Variants in PI4KA observed in about 807,000 individuals in gnomAD.
The protein encoded by PI4KA is phosphatidylinositol 4-kinase alpha, also known as PI4-kinase alpha.
PI4KA carries 122 observed loss-of-function variants against 271.4 expected under a neutral mutation model. The ratio of observed to expected loss-of-function variants is 0.45; its 90% CI spans 0.39 to 0.52. The LOEUF is 0.52. Among genes scored for constraint, PI4KA ranks in the 20% least tolerant of loss-of-function variants. PI4KA has a pLI of 0.00. For missense variants in PI4KA, 1,969 were observed against 2,769.1 expected, an observed-to-expected ratio of 0.71 and a Z score of 6.48; for synonymous variants, 1,041 against 1,078.8, an observed-to-expected ratio of 0.96 and a Z score of 0.69.
At chr22:20,762,721 TC>T (rs1449633476) in intron 22 of PI4KA, among the ~76,000 whole-genome samples, 1 of 152,232 alleles carries the variant, frequency 6.6e-6, no homozygotes, top group Non-Finnish European at 1.5e-5. Context: ...GGCTGTTTTT[TC>T]TTTGAAAATA....
Position 20,807,354 on chromosome 22 carries a change from G to A in PI4KA, c.1168+8C>T, listed in dbSNP as rs373775201. 2.5e-6 allele frequency: 4 copies of A among 1,573,240 alleles called. No individual in the cohort carries two copies. The highest frequency in any genetic ancestry group is 2.2e-5 in the East Asian group (1 of 44,654). Reference sequence around the variant, plus strand: ...GTACTCACAAACACATGGGCAAACTGTCCTCACCCTTCATGTAGTACAGAG... The same window carrying A: ...GTACTCACAAACACATGGGCAAACTATCCTCACCCTTCATGTAGTACAGAG... On this transcript the variant is annotated splice_region_variant and intron_variant, in intron 10 of 54. Coordinates refer to ENST00000255882, the MANE Select transcript of PI4KA (RefSeq NM_058004.4).
intron 32 of PI4KA, among the ~76,000 whole-genome samples, chr22:20,739,037 C>CAAAA (rs1214493282): frequency 4.4e-5 from 2 of 45,614 alleles, no homozygotes; most frequent in Non-Finnish European, 4.1e-5. Context: ...GACTCAGTCA[C>CAAAA]AAAAAAAAAA....
At chr22:20,849,552 C>T (rs1229377448) in intron 1 of PI4KA, among the ~76,000 whole-genome samples, 3 of 152,068 alleles carry the variant, frequency 2.0e-5, no homozygotes, top group Admixed American at 6.6e-5. Flanking sequence ...CTTGAAAATA[C>T]GCCAAGTAAA....
Position 20,729,643 on chromosome 22 carries a change from G to C in PI4KA, c.4477C>G (p.Leu1493Val), listed in dbSNP as rs771445927. 1 of 1,571,242 alleles carries C rather than the reference G, an allele frequency of 6.4e-7. No homozygotes were observed. Among genetic ancestry groups the C allele is most frequent in the South Asian group, 1.2e-5 (1 of 86,224 alleles). The change falls in exon 38 of 55, where the codon CTG (leucine) becomes GTG (valine). Residue 1493 changes from leucine to valine, a missense_variant. Coordinates refer to ENST00000255882, the MANE Select transcript of PI4KA (RefSeq NM_058004.4). ...CCTGTGGGCCTTACCAGCAGGGACA[G>C]CAGCAGCGTCCTGCGCTTCATGTAG... Reference protein sequence around the residue: ...KYYMKRRTLLLSLLATEIERL... With the variant: ...KYYMKRRTLLVSLLATEIERL...
chr22:20,819,927 A>G, intron 5 of PI4KA, 27 bp from the exon 6 acceptor site: 1 of 1,598,364 alleles, frequency 6.3e-7, no homozygotes, highest in Non-Finnish European at 8.6e-7. Context: ...AAACGTTACA[A>G]TATAAGAAAG....
rs369839823 is a variant in PI4KA, at chr22:20,721,383, C to T, written c.5031G>A (p.Ala1677=). The T allele has an allele frequency of 1.1e-4, 175 of 1,613,826 alleles. No individual in the cohort carries two copies. The Middle Eastern group carries it at 2.0e-3, about 18-fold the overall frequency. The stretch of plus-strand genomic sequence containing the variant: ...GGTGTGCCAGAAGCTGGGATTTAGA[C>T]GCTGCCCACAGAATATACTCCCGCA... ...GYVREYILWA[A]SKSQLLAHQF... The change falls in exon 43 of 55, where the codon GCG becomes GCA. Residue 1677 remains alanine, a synonymous_variant. Coordinates refer to ENST00000255882, the MANE Select transcript of PI4KA (RefSeq NM_058004.4).
In PI4KA at chr22:20,765,706, GAAGA is replaced by G; in HGVS notation, c.2329-17_2329-14del. 6.4e-7 allele frequency: 1 copy of G among 1,566,452 alleles called. No homozygotes were observed. Among genetic ancestry groups the G allele is most frequent in the Middle Eastern group, 1.7e-4 (1 of 5,956 alleles). ...GTCGTCGGGTGAGCTGATGTGCCAA[GAAGA>G]GAGGGAGAAAGGAGGTTATTTGCTG... On this transcript the variant is annotated splice_polypyrimidine_tract_variant and intron_variant, in intron 19 of 54. Coordinates refer to ENST00000255882, the MANE Select transcript of PI4KA (RefSeq NM_058004.4).
chr22:20,846,115 T>A (rs1347162636), intron 1 of PI4KA, among the ~76,000 whole-genome samples: 3 of 151,108 alleles, frequency 2.0e-5, no homozygotes, highest in Admixed American at 6.6e-5. Context: ...TACAAAAAAA[T>A]TAGGCAGGCT....
intron 1 of PI4KA, among the ~76,000 whole-genome samples, chr22:20,852,227 T>A (rs1325318913): frequency 6.6e-6 from 1 of 152,192 alleles, no homozygotes; most frequent in African/African-American, 2.4e-5. Context: ...TGGGAAAGAT[T>A]AGAGGCAACC....
At chr22:20,772,400 C>T (rs1000495038) in intron 19 of PI4KA, among the ~76,000 whole-genome samples, 2 of 152,178 alleles carry the variant, frequency 1.3e-5, no homozygotes, top group African/African-American at 2.4e-5. Flanking sequence ...GGTGGGCCCA[C>T]GAGGAGTGTG....
Position 20,708,074 on chromosome 22 carries a change from C to T in PI4KA, c.6282G>A (p.Gln2094=). 1 of 1,613,584 alleles carries T rather than the reference C, an allele frequency of 6.2e-7. No individual in the cohort carries two copies. The highest frequency in any genetic ancestry group is 8.5e-7 in the Non-Finnish European group (1 of 1,179,590). The change falls in exon 55 of 55, where the codon CAG becomes CAA. Residue 2094 remains glutamine, a synonymous_variant. Coordinates refer to ENST00000255882, the MANE Select transcript of PI4KA (RefSeq NM_058004.4). ...SNRSRTYDMI[Q]YYQNDIPY ...AGTAGGGGATGTCATTCTGATAGTA[C>T]TGGATCATGTCGTAGGTCCGGCTCC...
chr22:20,769,502 T>A (rs777508686), intron 19 of PI4KA, among the ~76,000 whole-genome samples: 9 of 151,982 alleles, frequency 5.9e-5, no homozygotes, highest in Non-Finnish European at 1.2e-4. Flanking sequence ...ACCCCATCTC[T>A]ACTAAAAATA....
chr22:20,713,775 T>A (rs886824797), intron 47 of PI4KA, among the ~76,000 whole-genome samples: 1 of 152,172 alleles, frequency 6.6e-6, no homozygotes, highest in African/African-American at 2.4e-5. Flanking sequence ...GGGAGGCAGG[T>A]CCCTGCAAGG....
intron 1 of PI4KA, among the ~76,000 whole-genome samples, chr22:20,840,611 G>A (rs567897481): frequency 6.6e-6 from 1 of 152,326 alleles, no homozygotes; most frequent in Middle Eastern, 3.4e-3. Flanking sequence ...AGCAATCAAC[G>A]AGTAGAGACA....
chr22:20,816,777 G>C (rs1569066886), intron 7 of PI4KA, among the ~76,000 whole-genome samples: 2 of 152,260 alleles, frequency 1.3e-5, no homozygotes. Flanking sequence ...GTGGGCGGCA[G>C]CCAAGTCTGA....
At chr22:20,854,977 C>T (rs928665769) in intron 1 of PI4KA, among the ~76,000 whole-genome samples, 1 of 151,998 alleles carries the variant, frequency 6.6e-6, no homozygotes, top group African/African-American at 2.4e-5. Context: ...CACGGCGAAA[C>T]CCCATCTCTA....
intron 22 of PI4KA, among the ~76,000 whole-genome samples, chr22:20,762,204 C>T (rs892035865): frequency 1.3e-5 from 2 of 152,162 alleles, no homozygotes; most frequent in South Asian, 2.1e-4. Flanking sequence ...AAGGCAGCAG[C>T]GGCTCGGCAG....
At chr22:20,779,792 T>C in intron 19 of PI4KA, 2 of 1,614,236 alleles carry the variant, frequency 1.2e-6, no homozygotes, top group South Asian at 1.1e-5. Context: ...GCATTTCTAC[T>C]GCGATGGGTA....
intron 9 of PI4KA, among the ~76,000 whole-genome samples, chr22:20,810,342 TAAA>T (rs1935922591): frequency 2.0e-5 from 3 of 151,818 alleles, no homozygotes; most frequent in Admixed American, 2.0e-4. Flanking sequence ...CAGTCTCTAC[TAAA>T]AAATACAAAA....
Sources: allele counts gnomAD v4.1 joint callset (sites outside exome capture counted in the v4.1 genomes callset), GRCh38; gene constraint gnomAD v4.1.1; transcripts MANE v1.5; gene names NCBI Gene and HGNC (gene_info 2026-07-23, HGNC 2026-07-21).